LHFPL3: variants seen among roughly 807,000 people sequenced by gnomAD.
The protein encoded by LHFPL3 is LHFPL tetraspan subfamily member 3 protein.
A neutral mutation model predicts 19.3 loss-of-function variants in LHFPL3; 5 were observed. That is an observed-to-expected ratio of 0.26 (90% CI 0.14 to 0.54). LHFPL3 has a LOEUF of 0.54. Among genes scored for constraint, LHFPL3 ranks in the 20% least tolerant of loss-of-function variants. The probability of loss-of-function intolerance (pLI) is 0.94; values close to 1 mark genes in which losing one functional copy is unlikely to be tolerated. For synonymous variants in LHFPL3, 133 were observed against 126.2 expected (o/e 1.05, Z -0.36); for missense variants, 249 against 307.4 (o/e 0.81, Z 1.42).
At chr7:104,693,686 C>T (rs143323372) in intron 1 of LHFPL3, among the ~76,000 whole-genome samples, 103 of 151,272 alleles carry the variant, frequency 6.8e-4, no homozygotes, top group East Asian at 2.7e-3. Context: ...AATTAAACCT[C>T]TTTTCTTTTC....
intron 1 of LHFPL3, among the ~76,000 whole-genome samples, chr7:104,587,231 T>G (rs1335549388): frequency 6.6e-6 from 1 of 152,206 alleles, no homozygotes; most frequent in Non-Finnish European, 1.5e-5. Context: ...TAATGCATCA[T>G]TTACATTAGG....
chr7:104,812,931 G>A (rs1165096584), intron 2 of LHFPL3, among the ~76,000 whole-genome samples: 4 of 151,476 alleles, frequency 2.6e-5, no homozygotes, highest in African/African-American at 9.7e-5. Flanking sequence ...GGCCAACATG[G>A]TGAAACCCCT....
intron 1 of LHFPL3, among the ~76,000 whole-genome samples, chr7:104,459,368 C>G (rs1792612817): frequency 6.6e-6 from 1 of 152,118 alleles, no homozygotes; most frequent in Non-Finnish European, 1.5e-5. Flanking sequence ...CATTTCCAAC[C>G]AAAATGAAAT....
rs140483113 is a variant in LHFPL3 at position 104,721,306 on chromosome 7, C to T, written c.446-15369C>T. Among the ~76,000 whole-genome samples, 1,421 of 152,260 alleles carry T rather than the reference C, an allele frequency of 9.3e-3. 12 individuals carry two copies. The highest frequency in any genetic ancestry group is 0.032 in the African/African-American group (1,343 of 41,538). On this transcript the variant is annotated intron_variant, in intron 1 of 2. Transcript: ENST00000424859. ...CACAAGGACAGAAAACCAAACACCGCATGCTCTCCCTCATAGGTGGGAACT... is the reference window on the plus strand; with the variant it reads ...CACAAGGACAGAAAACCAAACACCGTATGCTCTCCCTCATAGGTGGGAACT...
chr7:104,457,382 T>C (rs1374398670), intron 1 of LHFPL3, among the ~76,000 whole-genome samples: 4 of 152,042 alleles, frequency 2.6e-5, no homozygotes, highest in African/African-American at 9.7e-5. Context: ...TGCTTTTTGT[T>C]CTTGTGATAG....
At chr7:104,726,207 G>A (rs1339697233) in intron 1 of LHFPL3, among the ~76,000 whole-genome samples, 1 of 152,032 alleles carries the variant, frequency 6.6e-6, no homozygotes. Context: ...TTATTTTAGA[G>A]TGTATTGTCT....
At chr7:104,602,939 C>T (rs552514820) in intron 1 of LHFPL3, among the ~76,000 whole-genome samples, 6 of 152,286 alleles carry the variant, frequency 3.9e-5, no homozygotes, top group South Asian at 4.1e-4. Flanking sequence ...AATTAACCTA[C>T]TCCTAAGATA....
At position 104,839,336 on chromosome 7, in the gene LHFPL3, C is replaced by T. The variant is rs371027723; in HGVS notation, c.683-66851C>T. Reference sequence around the variant, plus strand: ...ATCCTGAGGGTTTCCACCTATATGGCAGATTGGAAACCTGAATTTCTTTTA... The same window carrying T: ...ATCCTGAGGGTTTCCACCTATATGGTAGATTGGAAACCTGAATTTCTTTTA... On this transcript the variant is annotated intron_variant, in intron 2 of 2. Transcript: ENST00000424859. Among the ~76,000 whole-genome samples the T allele has an allele frequency of 4.3e-4, 65 of 152,280 alleles. No individual in the cohort carries two copies. In the South Asian group the frequency reaches 0.013, roughly 30 times the overall value.
intron 1 of LHFPL3, among the ~76,000 whole-genome samples, chr7:104,642,929 A>G (rs1383997003): frequency 6.6e-6 from 1 of 152,248 alleles, no homozygotes; most frequent in African/African-American, 2.4e-5. Context: ...CTTGTGATAC[A>G]CAGTGATTTT....
chr7:104,410,985 T>C (rs976811905), intron 1 of LHFPL3, among the ~76,000 whole-genome samples: 1 of 152,178 alleles, frequency 6.6e-6, no homozygotes, highest in Non-Finnish European at 1.5e-5. Flanking sequence ...CCAGACATTA[T>C]TTTTAATGGG....
At chr7:104,653,989 T>A (rs1457223179) in intron 1 of LHFPL3, among the ~76,000 whole-genome samples, 1 of 152,180 alleles carries the variant, frequency 6.6e-6, no homozygotes, top group Non-Finnish European at 1.5e-5. Context: ...AGCAACTTCC[T>A]GCATGACAAT....
At chr7:104,451,177 A>G (rs1381046737) in intron 1 of LHFPL3, among the ~76,000 whole-genome samples, 3 of 152,204 alleles carry the variant, frequency 2.0e-5, no homozygotes, top group Non-Finnish European at 2.9e-5. Context: ...TAGGCATGCA[A>G]TGGCTAATTC....
intron 1 of LHFPL3, chr7:104,669,438 G>C (rs1792427949): frequency 3.1e-6 from 5 of 1,613,272 alleles, no homozygotes; most frequent in Non-Finnish European, 4.2e-6. Context: ...ATGGCAAAAA[G>C]GATCAAGACT....
intron 1 of LHFPL3, among the ~76,000 whole-genome samples, chr7:104,518,286 G>T (rs1191897686): frequency 1.3e-5 from 2 of 152,048 alleles, no homozygotes; most frequent in Non-Finnish European, 2.9e-5. Flanking sequence ...TATTGCAACA[G>T]AATACTTTTT....
At chr7:104,764,403 T>G (rs1370751899) in intron 2 of LHFPL3, among the ~76,000 whole-genome samples, 1 of 152,146 alleles carries the variant, frequency 6.6e-6, no homozygotes, top group African/African-American at 2.4e-5. Context: ...ACTCTTGATC[T>G]CAGGTGATCC....
At chr7:104,862,625 C>T (rs1020716629) in intron 2 of LHFPL3, among the ~76,000 whole-genome samples, 1 of 1,378 alleles carries the variant, frequency 7.3e-4, no homozygotes, top group African/African-American at 3.2e-3. Flanking sequence ...GTGTATAAGC[C>T]GCTGGTCCCG....
At chr7:104,355,277 G>C (rs367679679) in intron 1 of LHFPL3, among the ~76,000 whole-genome samples, 3 of 152,176 alleles carry the variant, frequency 2.0e-5, no homozygotes, top group African/African-American at 7.2e-5. Context: ...TTCCCCCAAT[G>C]GTACCTTACA....
chr7:104,579,409 G>A (rs148411944), intron 1 of LHFPL3, among the ~76,000 whole-genome samples: 9 of 152,226 alleles, frequency 5.9e-5, no homozygotes, highest in Middle Eastern at 3.4e-3. Flanking sequence ...GAGAACATGC[G>A]GTATTGGGTT....
chr7:104,783,760 A>G (rs1490411740), intron 2 of LHFPL3, among the ~76,000 whole-genome samples: 1 of 152,256 alleles, frequency 6.6e-6, no homozygotes, highest in East Asian at 1.9e-4. Context: ...CAAGCTCATC[A>G]TCTTCCCATT....
Sources: allele counts gnomAD v4.1 joint callset (sites outside exome capture counted in the v4.1 genomes callset), GRCh38; gene constraint gnomAD v4.1.1; transcripts MANE v1.5; gene names NCBI Gene and HGNC (gene_info 2026-07-23, HGNC 2026-07-21).